Variants in PDE5A observed in about 807,000 individuals in gnomAD.
The protein encoded by PDE5A is cGMP-specific 3',5'-cyclic phosphodiesterase.
In PDE5A, 67 loss-of-function variants were observed where a neutral mutation model predicts 110.2. The observed-to-expected ratio is 0.61, with a 90% confidence interval of 0.50 to 0.75. The LOEUF (loss-of-function observed/expected upper bound fraction) is 0.75, where lower values mean the gene tolerates loss of function less well. Among genes scored for constraint, PDE5A ranks in the 30% least tolerant of loss-of-function variants. The probability of loss-of-function intolerance (pLI) is 0.00; values close to 1 mark genes in which losing one functional copy is unlikely to be tolerated. For synonymous variants in PDE5A, 328 were observed against 351.2 expected, an observed-to-expected ratio of 0.93 and a Z score of 0.74; for missense variants, 862 against 1,045.1, an observed-to-expected ratio of 0.82 and a Z score of 2.42.
Position 119,627,057 on chromosome 4 carries a change from T to C in PDE5A, c.152+1463A>G. 1 of 1,424,864 alleles carries C rather than the reference T, an allele frequency of 7.0e-7. No individual in the cohort carries two copies. The highest frequency in any genetic ancestry group is 9.8e-7 in the Non-Finnish European group (1 of 1,020,434). 88.3% of individuals were successfully genotyped at this position (1,424,864 alleles called of 1,614,324 possible). A position where few individuals can be genotyped will look rare whatever the true frequency, so the allele number is the denominator to read the frequency against. On this transcript the variant is annotated intron_variant, in intron 1 of 20. Coordinates refer to ENST00000354960, the MANE Select transcript of PDE5A (RefSeq NM_001083.4). This position sits in a 1 kb window ranked among gnomAD's most constrained non-coding sequence, Gnocchi z 4.6. ...AATTTTCAATGATACATCGTCCCAC[T>C]GGTGCCACCGGGGCGCCACCACCCA...
intron 9 of PDE5A, among the ~76,000 whole-genome samples, chr4:119,545,788 C>T (rs1727112376): frequency 6.6e-6 from 1 of 152,164 alleles, no homozygotes; most frequent in African/African-American, 2.4e-5. Context: ...TGCTTATACC[C>T]TGCTTGCAGT....
At chr4:119,584,576 A>AAAT (rs1728692304) in intron 3 of PDE5A, among the ~76,000 whole-genome samples, 2 of 152,224 alleles carry the variant, frequency 1.3e-5, no homozygotes, top group South Asian at 4.1e-4. Flanking sequence ...AAATATATCA[A>AAAT]GTGTCAAATT....
At chr4:119,512,405 T>A (rs1010921944) in intron 14 of PDE5A, 1 of 152,128 alleles carries the variant, frequency 6.6e-6, no homozygotes, top group African/African-American at 2.4e-5. Context: ...GGGATGACAA[T>A]GAACAGAGTA....
chr4:119,580,782 C>G (rs1231850836), intron 3 of PDE5A, among the ~76,000 whole-genome samples: 2 of 152,222 alleles, frequency 1.3e-5, no homozygotes, highest in Non-Finnish European at 2.9e-5. Context: ...TGCCTCTCTG[C>G]TTAAGTGAGA....
At chr4:119,503,254 T>A (rs943207022) in intron 18 of PDE5A, among the ~76,000 whole-genome samples, 6 of 152,150 alleles carry the variant, frequency 3.9e-5, no homozygotes, top group African/African-American at 1.4e-4. Flanking sequence ...AAATAGCATA[T>A]TTATTACGGA....
At chr4:119,509,477 T>C (rs1310134455) in intron 15 of PDE5A, among the ~76,000 whole-genome samples, 1 of 152,008 alleles carries the variant, frequency 6.6e-6, no homozygotes, top group African/African-American at 2.4e-5. Flanking sequence ...GTGCAAGTGC[T>C]CATTTTTAAT....
At chr4:119,502,363 C>T in intron 19 of PDE5A, 1 of 361,584 alleles carries the variant, frequency 2.8e-6, no homozygotes, top group Non-Finnish European at 5.0e-6. Context: ...ACAAAGAACA[C>T]TGATACAATA....
intron 14 of PDE5A, among the ~76,000 whole-genome samples, chr4:119,514,701 G>A (rs903556288): frequency 1.3e-5 from 2 of 151,956 alleles, no homozygotes; most frequent in Admixed American, 6.6e-5. Flanking sequence ...ATTCACCACA[G>A]GACAAAGCAA....
intron 3 of PDE5A, among the ~76,000 whole-genome samples, chr4:119,591,038 C>T (rs28639494): frequency 0.017 from 2,659 of 152,218 alleles, 73 homozygotes; most frequent in African/African-American, 0.06. Context: ...TTCATTTTGC[C>T]TTATTTATGA....
chr4:119,521,342 T>C (rs1726121610), intron 12 of PDE5A, among the ~76,000 whole-genome samples: 2 of 151,292 alleles, frequency 1.3e-5, no homozygotes, highest in African/African-American at 4.9e-5. Context: ...CTAAGAAGGG[T>C]ATTTTTGGCA....
chr4:119,594,980 G>C (rs898270593), intron 3 of PDE5A, among the ~76,000 whole-genome samples: 1 of 152,166 alleles, frequency 6.6e-6, no homozygotes, highest in African/African-American at 2.4e-5. Context: ...AGAAAGCTGT[G>C]TTTTAGGCAA....
At chr4:119,517,602 C>A (rs1293484325) in intron 14 of PDE5A, among the ~76,000 whole-genome samples, 1 of 113,712 alleles carries the variant, frequency 8.8e-6, no homozygotes, top group Non-Finnish European at 1.9e-5. Context: ...TTTTCTTTTT[C>A]TTTCTTTTTT....
At chr4:119,540,540 TAAC>T (rs1204291491) in intron 10 of PDE5A, among the ~76,000 whole-genome samples, 13 of 152,140 alleles carry the variant, frequency 8.5e-5, no homozygotes, top group Admixed American at 5.9e-4. Context: ...AGACTAATAT[TAAC>T]AAGTGCAGTG....
intron 20 of PDE5A, chr4:119,499,751 T>A (rs1433981925): frequency 6.6e-6 from 1 of 152,104 alleles, no homozygotes; most frequent in Admixed American, 6.6e-5. Context: ...GGGATGGGGT[T>A]TCACCATGTT....
At position 119,502,541 on chromosome 4, in the gene PDE5A, AC is replaced by A. The variant is rs770938044; in HGVS notation, c.2406+39del. 2.0e-5 allele frequency: 25 copies of A among 1,221,258 alleles called. 1 individual carries two copies. The highest frequency in any genetic ancestry group is 1.7e-4 in the African/African-American group (11 of 66,106). 75.7% of individuals were successfully genotyped at this position (1,221,258 alleles called of 1,614,324 possible). Reference sequence around the variant, plus strand: ...AAAGGAGTCTACAATTAAAAAAAAAACAATTTGAATAATTCCTACCAACAAG... The same window carrying A: ...AAAGGAGTCTACAATTAAAAAAAAAAAATTTGAATAATTCCTACCAACAAG... On this transcript the variant is annotated intron_variant, in intron 19 of 20. Coordinates refer to ENST00000354960, the MANE Select transcript of PDE5A (RefSeq NM_001083.4).
intron 2 of PDE5A, among the ~76,000 whole-genome samples, chr4:119,605,595 C>T (rs981936647): frequency 1.3e-5 from 2 of 151,824 alleles, no homozygotes; most frequent in East Asian, 1.9e-4. Flanking sequence ...TGCAGTGAGT[C>T]GAGATCGCGT....
chr4:119,616,827 T>C (rs1476741941), intron 1 of PDE5A, among the ~76,000 whole-genome samples: 1 of 152,190 alleles, frequency 6.6e-6, no homozygotes, highest in African/African-American at 2.4e-5. Flanking sequence ...AAAGAGTTTA[T>C]TTTATCAAAA....
intron 13 of PDE5A, among the ~76,000 whole-genome samples, chr4:119,520,054 C>T (rs756229905): frequency 6.6e-6 from 1 of 152,116 alleles, no homozygotes; most frequent in Non-Finnish European, 1.5e-5. Flanking sequence ...GTCCAAAACA[C>T]TTCTTGTCCC....
At chr4:119,534,647 A>G (rs1010656318) in intron 11 of PDE5A, among the ~76,000 whole-genome samples, 5 of 152,156 alleles carry the variant, frequency 3.3e-5, no homozygotes, top group African/African-American at 7.2e-5. Context: ...AGTCGGGCCA[A>G]TACTTCTTTG....
Sources: gnomAD v4.1 joint callset for allele counts (sites outside exome capture counted in the v4.1 genomes callset) on GRCh38, gnomAD v4.1.1 for gene constraint, Gnocchi (gnomAD v3.1) non-coding constraint, MANE v1.5 for transcripts, NCBI Gene and HGNC (gene_info 2026-07-23, HGNC 2026-07-21) for gene names.